Variants in ZNF609 observed in about 807,000 individuals in gnomAD.
The protein encoded by ZNF609 is zinc finger protein 609.
In ZNF609, 11 loss-of-function variants were observed where a neutral mutation model predicts 109.5. The observed-to-expected ratio is 0.10, with a 90% confidence interval of 0.06 to 0.17. The LOEUF is 0.17. Among genes scored for constraint, ZNF609 ranks in the 10% least tolerant of loss-of-function variants. The pLI is 1.00. For missense variants in ZNF609, 1,559 were observed against 1,772.4 expected (o/e 0.88, Z 2.16); for synonymous variants, 646 against 662.0 (o/e 0.98, Z 0.37).
Position 64,544,517 on chromosome 15 carries a change from G to C in ZNF609, c.747+44351G>C, listed in dbSNP as rs562165914. Among the ~76,000 whole-genome samples the C allele has an allele frequency of 7.2e-5, 11 of 152,258 alleles. No individual in the cohort carries two copies. In the South Asian group the frequency reaches 1.9e-3, roughly 26 times the overall value. On this transcript the variant is annotated intron_variant, in intron 2 of 9. Coordinates refer to ENST00000326648, the MANE Select transcript of ZNF609 (RefSeq NM_015042.2). ...CAGAATGTGATTAAAATAATTTTTTGGCTCACAGTGTCAACCAGACAAATG... is the reference window on the plus strand; with the variant it reads ...CAGAATGTGATTAAAATAATTTTTTCGCTCACAGTGTCAACCAGACAAATG...
intron 2 of ZNF609, among the ~76,000 whole-genome samples, chr15:64,525,094 C>G (rs774153251): frequency 2.0e-5 from 3 of 152,068 alleles, no homozygotes; most frequent in African/African-American, 7.2e-5. Flanking sequence ...TTTTCATGTG[C>G]TTATGTGCTT....
chr15:64,624,872 C>T (rs1895929259), intron 3 of ZNF609, among the ~76,000 whole-genome samples: 1 of 150,948 alleles, frequency 6.6e-6, no homozygotes. Flanking sequence ...CGATTCTTCT[C>T]TCTCAGCCTC....
intron 2 of ZNF609, among the ~76,000 whole-genome samples, chr15:64,510,839 C>T (rs1595703203): frequency 6.6e-6 from 1 of 152,068 alleles, no homozygotes; most frequent in Non-Finnish European, 1.5e-5. Flanking sequence ...TGGGTTACAG[C>T]CCTAGTGGCA....
intron 2 of ZNF609, among the ~76,000 whole-genome samples, chr15:64,569,679 T>C (rs1003521897): frequency 6.6e-6 from 1 of 152,228 alleles, no homozygotes; most frequent in Non-Finnish European, 1.5e-5. Flanking sequence ...AAAGAATCAA[T>C]AGTTTTATCA....
At chr15:64,498,063 T>G (rs1364230398) in intron 1 of ZNF609, among the ~76,000 whole-genome samples, 1 of 152,034 alleles carries the variant, frequency 6.6e-6, no homozygotes, top group Non-Finnish European at 1.5e-5. Context: ...AGTCAGGAGA[T>G]AGTGGAGACA....
intron 2 of ZNF609, chr15:64,528,942 G>A (rs956278110): frequency 2.5e-5 from 32 of 1,302,530 alleles, no homozygotes; most frequent in Non-Finnish European, 3.3e-5. Context: ...GACAGGTCAG[G>A]TCCGCCACTG....
chr15:64,471,967 A>G (rs1008509730), intron 1 of ZNF609, among the ~76,000 whole-genome samples: 5 of 150,374 alleles, frequency 3.3e-5, no homozygotes, highest in Admixed American at 6.6e-5. Context: ...CAGGAGTGCA[A>G]TGGCACAATC....
chr15:64,678,903 G>A (rs1425368619), intron 6 of ZNF609, among the ~76,000 whole-genome samples: 1 of 152,182 alleles, frequency 6.6e-6, no homozygotes, highest in Non-Finnish European at 1.5e-5. Context: ...CTTAATCATA[G>A]TGGAGAGACA....
chr15:64,681,215 A>T (rs1896880577), intron 8 of ZNF609, 94 bp from the exon 9 acceptor site: 3 of 1,091,190 alleles, frequency 2.7e-6, no homozygotes, highest in African/African-American at 3.1e-5. Context: ...TGAGTATCAG[A>T]TTTTTTTTTC....
chr15:64,512,967 G>A (rs1379995765), intron 2 of ZNF609, among the ~76,000 whole-genome samples: 2 of 151,580 alleles, frequency 1.3e-5, no homozygotes, highest in Non-Finnish European at 2.9e-5. Flanking sequence ...AAAACATTGT[G>A]GTATGTCAAA....
chr15:64,572,003 A>G (rs1021255073), intron 2 of ZNF609, among the ~76,000 whole-genome samples: 12 of 152,150 alleles, frequency 7.9e-5, no homozygotes, highest in Admixed American at 3.9e-4. Context: ...TATTCTACTT[A>G]GTGTTGCTGG....
Position 64,674,656 on chromosome 15 carries a change from T to A in ZNF609, c.1802T>A (p.Leu601His). 1 of 1,614,172 alleles carries A rather than the reference T, an allele frequency of 6.2e-7. No individual in the cohort carries two copies. The highest frequency in any genetic ancestry group is 1.1e-5 in the South Asian group (1 of 91,080). The stretch of plus-strand genomic sequence containing the variant: ...TTGAGTGGGGAAGGGGACACAGACC[T>A]TGGGGCCTTATCCAATGATGGCTCT... The part of the protein sequence containing the change: ...KKLSGEGDTD[L>H]GALSNDGSDD... The change falls in exon 5 of 10, where the codon CTT becomes CAT. Residue 601 changes from leucine to histidine, a missense_variant. This residue lies in a region of ZNF609 where 1,204 missense variants were observed against 1,314.1 expected (regional missense o/e 0.92). Coordinates refer to ENST00000326648, the MANE Select transcript of ZNF609 (RefSeq NM_015042.2).
chr15:64,641,387 T>C (rs533044576), intron 3 of ZNF609, among the ~76,000 whole-genome samples: 42 of 151,156 alleles, frequency 2.8e-4, no homozygotes, highest in Middle Eastern at 6.8e-3. Context: ...CCGGCTAATT[T>C]TGTATTTTTA....
At chr15:64,631,476 T>C in intron 3 of ZNF609, 3 of 719,442 alleles carry the variant, frequency 4.2e-6, no homozygotes, top group East Asian at 5.2e-5. Flanking sequence ...ATGTCTACAA[T>C]ATCACCTTTC....
rs147337545 is a variant in ZNF609, at chr15:64,492,746, C to T, written c.-127-6547C>T. ...TATGCTTAGAATGTGATAGACTCTT[C>T]CTCCATCTTATAATGAGAAAATACT... On this transcript the variant is annotated intron_variant, in intron 1 of 9. Coordinates refer to ENST00000326648, the MANE Select transcript of ZNF609 (RefSeq NM_015042.2). Among the ~76,000 whole-genome samples the T allele has an allele frequency of 3.9e-4, 59 of 152,276 alleles. No individual in the cohort carries two copies. The East Asian group carries it at 9.1e-3, about 23-fold the overall frequency.
intron 2 of ZNF609, among the ~76,000 whole-genome samples, chr15:64,541,629 A>G (rs1212061598): frequency 6.6e-6 from 1 of 151,444 alleles, no homozygotes; most frequent in Non-Finnish European, 1.5e-5. Context: ...TCACGAGGTC[A>G]GGAGATCGAG....
At chr15:64,495,725 A>T (rs1246308204) in intron 1 of ZNF609, among the ~76,000 whole-genome samples, 1 of 149,470 alleles carries the variant, frequency 6.7e-6, no homozygotes, top group Non-Finnish European at 1.5e-5. Flanking sequence ...ATTTTAATTG[A>T]TACTGCATTT....
At chr15:64,528,254 C>T (rs774609192) in intron 2 of ZNF609, among the ~76,000 whole-genome samples, 12 of 151,624 alleles carry the variant, frequency 7.9e-5, no homozygotes, top group Non-Finnish European at 1.5e-4. Flanking sequence ...CGTGCCACCA[C>T]GCCCAGCTAA....
At chr15:64,670,543 G>A in intron 4 of ZNF609, 110 bp downstream of exon 4, 1 of 907,620 alleles carries the variant, frequency 1.1e-6, no homozygotes, top group East Asian at 2.5e-5. Context: ...AGGACATGAT[G>A]GTATAGATAC....
Sources: gnomAD v4.1 joint callset for allele counts (sites outside exome capture counted in the v4.1 genomes callset) on GRCh38, gnomAD v4.1.1 for gene constraint, gnomAD v4.1.1 regional missense constraint, MANE v1.5 for transcripts, NCBI Gene and HGNC (gene_info 2026-07-23, HGNC 2026-07-21) for gene names.